The following STON1 variants were observed in gnomAD, a reference collection of about 807,000 sequenced individuals.
STON1 encodes the protein stonin-1.
Under a neutral mutation model 60.9 loss-of-function variants are expected in STON1, and 79 were observed. The ratio of observed to expected loss-of-function variants is 1.30; its 90% CI spans 1.08 to 1.56. The LOEUF is 1.56. Ranked by LOEUF, STON1 falls within the 40% of genes most tolerant of loss-of-function variation. The pLI is 0.00. For missense variants in STON1, 1,166 were observed against 858.9 expected, an observed-to-expected ratio of 1.36 and a Z score of -4.47; for synonymous variants, 363 against 306.9, an observed-to-expected ratio of 1.18 and a Z score of -1.91.
chr2:48,568,047 C>A (rs998811396), intron 1 of STON1, among the ~76,000 whole-genome samples: 1 of 144,220 alleles, frequency 6.9e-6, no homozygotes, highest in Non-Finnish European at 1.5e-5. Context: ...CAAAGAAAAG[C>A]CACAGGAATA....
intron 1 of STON1, chr2:48,569,096 T>C (rs968858018): frequency 1.3e-5 from 2 of 152,246 alleles, no homozygotes; most frequent in African/African-American, 4.8e-5. Flanking sequence ...GGCAAGTAGC[T>C]TAACTCCTCC....
intron 1 of STON1, chr2:48,531,224 CTG>C (rs989891751): frequency 2.0e-5 from 3 of 152,194 alleles, no homozygotes; most frequent in African/African-American, 4.8e-5. Flanking sequence ...ATGCAGCACA[CTG>C]TTTGTTGGTA....
rs565703328 is a variant in STON1, at chr2:48,569,685, C to CT, written c.-47-10897dup. Among the ~76,000 whole-genome samples, 6 of 152,254 alleles carry CT rather than the reference C, an allele frequency of 3.9e-5. No homozygotes were observed. In the East Asian group the frequency reaches 9.7e-4, roughly 24 times the overall value. On this transcript the variant is annotated intron_variant, in intron 1 of 3. Transcript: ENST00000404752. Reference sequence around the variant, plus strand: ...CTTGAAAGATTTTATCTTCAAATTCCTTTTTGTGAGATTGTTTTTCCATAC... The same window carrying CT: ...CTTGAAAGATTTTATCTTCAAATTCCTTTTTTGTGAGATTGTTTTTCCATAC...
Position 48,560,901 on chromosome 2 carries a change from C to G in STON1, c.-47-19686C>G, listed in dbSNP as rs142353809. On this transcript the variant is annotated intron_variant, in intron 1 of 3. Coordinates refer to ENST00000404752, the MANE Select transcript of STON1 (RefSeq NM_006873.4). ...TCCCCACCCACCTAATCAGCAAGCC[C>G]CAAAGTCTCCCCTTGTCTCTGCTCT... 4.4e-3 allele frequency among the ~76,000 whole-genome samples: 665 copies of G among 152,316 alleles called. 5 individuals are homozygous for G. Among genetic ancestry groups the G allele is most frequent in the African/African-American group, 0.016 (650 of 41,572 alleles).
intron 1 of STON1, among the ~76,000 whole-genome samples, chr2:48,536,174 TTCTC>T (rs1187510578): frequency 6.6e-6 from 1 of 152,186 alleles, no homozygotes; most frequent in African/African-American, 2.4e-5. Flanking sequence ...AGTTGCCAAG[TTCTC>T]TCAGTCTCCT....
At chr2:48,541,936 C>A (rs1671672678) in intron 1 of STON1, among the ~76,000 whole-genome samples, 1 of 152,156 alleles carries the variant, frequency 6.6e-6, no homozygotes, top group Admixed American at 6.6e-5. Flanking sequence ...AATTTCCCAA[C>A]CATGCTGCTC....
chr2:48,592,904 C>G (rs912257074), intron 3 of STON1, among the ~76,000 whole-genome samples: 1 of 151,904 alleles, frequency 6.6e-6, no homozygotes, highest in Admixed American at 6.6e-5. Context: ...CGTGAGCCAC[C>G]GTATCCAGCC....
rs753309341 is a variant in STON1, at chr2:48,582,066, AG to A, written c.1437del (p.Ile480LeufsTer12). ...ESYYEKDSEK[K>X]GIDILDYHFH... The stretch of plus-strand genomic sequence containing the variant: ...TATTATGAGAAGGACTCAGAAAAAA[AG>A]GGGATTGATATTCTTGACTACCATT... On this transcript the variant is annotated frameshift_variant, in exon 2 of 4. Transcript: ENST00000404752. LOFTEE classifies it high-confidence loss of function. 6 of 1,614,228 alleles carry A rather than the reference AG, an allele frequency of 3.7e-6. No individual in the cohort carries two copies. Among genetic ancestry groups the A allele is most frequent in the Non-Finnish European group, 4.2e-6 (5 of 1,180,036 alleles).
Position 48,578,764 on chromosome 2 carries a change from T to C in STON1, c.-47-1823T>C, listed in dbSNP as rs533360275. ...CACCACCATGCTTGGTTAACTTTTG[T>C]ATTTTTAGTAGAGACTGGGTTTTGC... On this transcript the variant is annotated intron_variant, in intron 1 of 3. Transcript: ENST00000404752. Among the ~76,000 whole-genome samples, 6 of 152,050 alleles carry C rather than the reference T, an allele frequency of 3.9e-5. 1 individual carries two copies. Among genetic ancestry groups the C allele is most frequent in the African/African-American group, 1.4e-4 (6 of 41,488 alleles).
intron 1 of STON1, among the ~76,000 whole-genome samples, chr2:48,563,732 G>T (rs1437122931): frequency 6.6e-6 from 1 of 151,744 alleles, no homozygotes; most frequent in African/African-American, 2.4e-5. Flanking sequence ...GTCTCACTGT[G>T]ATTCAGGCTG....
chr2:48,537,259 T>C (rs1237705833), intron 1 of STON1, among the ~76,000 whole-genome samples: 1 of 152,218 alleles, frequency 6.6e-6, no homozygotes, highest in Non-Finnish European at 1.5e-5. Flanking sequence ...TTTCAGTAGA[T>C]AGTCTTTATT....
chr2:48,541,764 C>T (rs1012367151), intron 1 of STON1, among the ~76,000 whole-genome samples: 2 of 144,950 alleles, frequency 1.4e-5, no homozygotes, highest in African/African-American at 5.1e-5. Context: ...AATACATGTA[C>T]ATTGGCTCCT....
In STON1 at chr2:48,581,381, A is replaced by G. The variant is rs752414861; in HGVS notation, c.748A>G (p.Met250Val). ...CCAAGACTCACTTAGAAGTTTGTCT[A>G]TGCACTGTCTATGTGCTGAAGAAAA... Reference protein sequence around the residue: ...ENQDSLRSLSMHCLCAEENAS... With the variant: ...ENQDSLRSLSVHCLCAEENAS... Residue 250 changes from methionine to valine, a missense_variant, in exon 2 of 4, where the codon ATG (methionine) becomes GTG (valine). Coordinates refer to ENST00000404752, the MANE Select transcript of STON1 (RefSeq NM_006873.4). 105 of 1,595,238 alleles carry G rather than the reference A, an allele frequency of 6.6e-5. 1 individual carries two copies. Among genetic ancestry groups the G allele is most frequent in the Non-Finnish European group, 8.3e-5 (97 of 1,170,372 alleles).
chr2:48,561,606 T>G (rs1672616293), intron 1 of STON1, among the ~76,000 whole-genome samples: 1 of 152,230 alleles, frequency 6.6e-6, no homozygotes, highest in Admixed American at 6.5e-5. Context: ...GGCTGCCCTG[T>G]GCATTGTAGA....
intron 1 of STON1, among the ~76,000 whole-genome samples, chr2:48,543,838 AC>A (rs1310880062): frequency 6.6e-6 from 1 of 152,132 alleles, no homozygotes; most frequent in African/African-American, 2.4e-5. Flanking sequence ...GACAACGATA[AC>A]ATTTTAAATG....
At chr2:48,560,744 C>G (rs2103824872) in intron 1 of STON1, among the ~76,000 whole-genome samples, 1 of 152,324 alleles carries the variant, frequency 6.6e-6, no homozygotes, top group East Asian at 1.9e-4. Context: ...AACCCAGGAG[C>G]TGGGCGAGAG....
intron 1 of STON1, among the ~76,000 whole-genome samples, chr2:48,564,471 T>TTCC (rs1672776219): frequency 3.9e-5 from 2 of 51,140 alleles, no homozygotes; most frequent in Non-Finnish European, 8.1e-5. Flanking sequence ...CTTCTTCTTC[T>TTCC]TCTTCTTCTT....
chr2:48,548,280 A>G (rs1671942328), intron 1 of STON1, among the ~76,000 whole-genome samples: 1 of 152,314 alleles, frequency 6.6e-6, no homozygotes, highest in East Asian at 1.9e-4. Flanking sequence ...CTTCTGCTAC[A>G]TGCTTATGCC....
intron 1 of STON1, among the ~76,000 whole-genome samples, chr2:48,537,064 C>T (rs548249680): frequency 2.0e-5 from 3 of 152,202 alleles, no homozygotes; most frequent in Non-Finnish European, 2.9e-5. Flanking sequence ...CATAAAACAA[C>T]GATAATTTAT....
Sources: allele counts gnomAD v4.1 joint callset (sites outside exome capture counted in the v4.1 genomes callset), GRCh38; gene constraint gnomAD v4.1.1; transcripts MANE v1.5; gene names NCBI Gene and HGNC (gene_info 2026-07-23, HGNC 2026-07-21).